Variants in GRHPR observed in about 807,000 individuals in gnomAD.
GRHPR encodes glyoxylate reductase/hydroxypyruvate reductase.
In GRHPR, 35 loss-of-function variants were observed where a neutral mutation model predicts 36.8. The observed-to-expected ratio is 0.95, with a 90% CI of 0.73 to 1.26. The LOEUF is 1.26. GRHPR is among the 50% of genes most tolerant of loss of function. GRHPR has a pLI of 0.00. For missense variants in GRHPR, 380 were observed against 435.0 expected (o/e 0.87, Z 1.12); for synonymous variants, 179 against 181.0 (o/e 0.99, Z 0.09).
chr9:37,437,926 T>C (rs1023054484), downstream of GRHPR, among the ~76,000 whole-genome samples: 2 of 152,114 alleles, frequency 1.3e-5, no homozygotes, highest in Admixed American at 6.5e-5. Flanking sequence ...TGCATGTGCG[T>C]AGCTCAAAGA....
At chr9:37,429,879 G>T in intron 6 of GRHPR, 43 bp downstream of exon 6, 1 of 1,141,880 alleles carries the variant, frequency 8.8e-7, no homozygotes, top group South Asian at 1.2e-5. Flanking sequence ...TCTGTGCCCA[G>T]TTGAGAGGCT....
rs1823695644 is a variant in GRHPR at position 37,436,918 on chromosome 9, TA to T, written c.*137del. 1.1e-6 allele frequency: 1 copy of T among 941,222 alleles called. No individual in the cohort carries two copies. Among genetic ancestry groups the T allele is most frequent in the African/African-American group, 1.6e-5 (1 of 62,036 alleles). The allele number at this position is 941,222 out of a possible 1,614,324, so 58.3% of individuals were successfully genotyped here. ...GAGGAAAGAGTGATTCTGATATATG[TA>T]CTTGTCACATTGGTGTTGGACACAT... is the stretch of plus-strand genomic sequence containing the variant. On this transcript the variant is annotated 3_prime_UTR_variant, in exon 9 of 9. Transcript: ENST00000318158.
chr9:37,429,619 C>T (rs777485988), intron 5 of GRHPR, 113 bp from the exon 6 acceptor site: 9 of 797,300 alleles, frequency 1.1e-5, no homozygotes, highest in East Asian at 2.4e-5. Context: ...GCAGGCAACT[C>T]GGGCTGTGCT....
chr9:37,428,884 G>A (rs1588756111), intron 5 of GRHPR: 2 of 472,532 alleles, frequency 4.2e-6, no homozygotes, highest in South Asian at 3.9e-5. Flanking sequence ...AGTGGTTACC[G>A]TGAGAGAGCC....
At chr9:37,436,227 A>G (rs1376900392) in intron 8 of GRHPR, among the ~76,000 whole-genome samples, 1 of 151,880 alleles carries the variant, frequency 6.6e-6, no homozygotes, top group African/African-American at 2.4e-5. Context: ...TTCTGCCTCA[A>G]CCTCCCAAGT....
chr9:37,429,984 C>A, intron 6 of GRHPR, 148 bp downstream of exon 6: 1 of 691,126 alleles, frequency 1.4e-6, no homozygotes. Flanking sequence ...TCTACCTGCC[C>A]CTGGACACTG....
intron 8 of GRHPR, chr9:37,434,324 T>C (rs775360748): frequency 7.9e-5 from 37 of 469,314 alleles, no homozygotes; most frequent in African/African-American, 1.2e-4. Flanking sequence ...TAACTGGAAC[T>C]GCCTGTGCCT....
In GRHPR at chr9:37,424,933, C is replaced by A; in HGVS notation, c.172C>A (p.Leu58Ile). The change falls in exon 2 of 9, where the codon CTC becomes ATC. Residue 58 changes from leucine to isoleucine, a missense_variant. Coordinates refer to ENST00000318158, the MANE Select transcript of GRHPR (RefSeq NM_012203.2). ...GVAGAHGLLC[L>I]LSDHVDKRIL... ...GGCGGGGGCCCACGGCCTGCTCTGC[C>A]TCCTCTCCGACCACGTGGACAAGAG... 3 of 1,612,708 alleles carry A rather than the reference C, an allele frequency of 1.9e-6. No homozygotes were observed. The highest frequency in any genetic ancestry group is 2.5e-6 in the Non-Finnish European group (3 of 1,179,886).
At chr9:37,431,425 C>T (rs971447560) in intron 7 of GRHPR, 2 of 262,268 alleles carry the variant, frequency 7.6e-6, no homozygotes, top group Non-Finnish European at 7.6e-6. Context: ...AGCCCAGGAC[C>T]GTGTATTACT....
chr9:37,426,466 G>C (rs1588752367), intron 3 of GRHPR, 72 bp from the exon 4 acceptor site: 2 of 1,005,500 alleles, frequency 2.0e-6, no homozygotes, highest in South Asian at 2.5e-5. Context: ...GTAACTCCAT[G>C]GAAATGTCCC....
chr9:37,431,617 G>C (rs1384785952), intron 7 of GRHPR: 1 of 274,540 alleles, frequency 3.6e-6, no homozygotes, highest in African/African-American at 2.2e-5. Context: ...GGGTCAACCA[G>C]ATCAGAAACA....
chr9:37,439,220 A>G (rs1378613730), downstream of GRHPR: 2 of 152,268 alleles, frequency 1.3e-5, no homozygotes, highest in Non-Finnish European at 2.9e-5. Flanking sequence ...TGGCAGTGTC[A>G]GAGGACAGCA....
At chr9:37,431,465 A>G (rs1258814534) in intron 7 of GRHPR, 1 of 242,546 alleles carries the variant, frequency 4.1e-6, no homozygotes, top group African/African-American at 2.3e-5. Context: ...CTTAGTGCAC[A>G]ATATACAGTC....
downstream of GRHPR, among the ~76,000 whole-genome samples, chr9:37,437,574 G>T (rs1373668194): frequency 6.6e-6 from 1 of 152,086 alleles, no homozygotes; most frequent in East Asian, 1.9e-4. Context: ...CTCTTATTTT[G>T]GTCAGAACGA....
At chr9:37,434,004 T>C in intron 8 of GRHPR, 1 of 382,378 alleles carries the variant, frequency 2.6e-6, no homozygotes. Context: ...GTCAGGGCTG[T>C]CGCCCACAGC....
rs1588758795 is a variant in GRHPR, at chr9:37,430,516, A to G, written c.604A>G (p.Thr202Ala). 6.2e-7 allele frequency: 1 copy of G among 1,613,220 alleles called. No individual in the cohort carries two copies. The highest frequency in any genetic ancestry group is 1.7e-5 in the Admixed American group (1 of 59,990). ...GGAGTCCTGCCCTCCCTCAGTGTCT[A>G]CCCCTGAGCTGGCTGCCCAATCTGA... ...AAEFQAEFVS[T>A]PELAAQSDFI... The change falls in exon 7 of 9, where the codon ACC becomes GCC. Residue 202 changes from threonine (T) to alanine (A), a missense_variant. Coordinates refer to ENST00000318158, the MANE Select transcript of GRHPR (RefSeq NM_012203.2).
Position 37,430,883 on chromosome 9 carries a change from G to A in GRHPR, c.734+237G>A, listed in dbSNP as rs371058355. ...TTCTCAGCAGTGGCCCCCACCCGGC[G>A]GGGCCTGGCACACAGCAGCGTGGCT... On this transcript the variant is annotated intron_variant, in intron 7 of 8. Transcript: ENST00000318158. 110 of 630,540 alleles carry A rather than the reference G, an allele frequency of 1.7e-4. 3 individuals are homozygous for A. Among genetic ancestry groups the A allele is most frequent in the South Asian group, 1.7e-3 (109 of 65,984 alleles). The allele number at this position is 630,540 out of a possible 1,614,324, so 39.1% of individuals were successfully genotyped here. A position where few individuals can be genotyped will look rare whatever the true frequency, so the allele number is the denominator to read the frequency against.
At chr9:37,432,514 C>A (rs573855142) in intron 8 of GRHPR, 75 of 303,862 alleles carry the variant, frequency 2.5e-4, no homozygotes, top group African/African-American at 1.5e-3. Context: ...CCCATCTCTA[C>A]TAAAAATACA....
chr9:37,423,976 G>A (rs1053510374), intron 1 of GRHPR, among the ~76,000 whole-genome samples: 23 of 152,242 alleles, frequency 1.5e-4, no homozygotes, highest in Non-Finnish European at 2.5e-4. Flanking sequence ...GTACTCAGAA[G>A]TGTCTGACTG....
Sources: gnomAD v4.1 joint callset for allele counts (sites outside exome capture counted in the v4.1 genomes callset) on GRCh38, gnomAD v4.1.1 for gene constraint, MANE v1.5 for transcripts, NCBI Gene and HGNC (gene_info 2026-07-23, HGNC 2026-07-21) for gene names.